Variants in ZBTB1 observed in about 807,000 individuals in gnomAD.
The protein encoded by ZBTB1 is zinc finger and BTB domain containing 1, also known as zinc finger and BTB domain-containing protein 1.
A neutral mutation model predicts 51.6 loss-of-function variants in ZBTB1; 13 were observed. The ratio of observed to expected loss-of-function variants is 0.25; its 90% CI spans 0.16 to 0.40. The LOEUF (loss-of-function observed/expected upper bound fraction) is 0.40. ZBTB1 is among the 10% of genes least tolerant of loss of function. The pLI is 1.00. For synonymous variants in ZBTB1, 240 were observed against 282.2 expected (o/e 0.85, Z 1.50); for missense variants, 567 against 856.5 (o/e 0.66, Z 4.22).
intron 1 of ZBTB1, among the ~76,000 whole-genome samples, chr14:64,508,776 A>G (rs1596685450): frequency 6.6e-6 from 1 of 152,344 alleles, no homozygotes; most frequent in East Asian, 1.9e-4. Context: ...AAAAGTTGCC[A>G]TGATTGAAAT....
intron 1 of ZBTB1, among the ~76,000 whole-genome samples, chr14:64,510,373 A>G (rs937140466): frequency 1.3e-5 from 2 of 152,222 alleles, no homozygotes; most frequent in Admixed American, 1.3e-4. Context: ...TTTAACACCT[A>G]CTTTATGTAG....
In ZBTB1 at chr14:64,518,933, T is replaced by TATATAC. The variant is rs1214901523; in HGVS notation, c.-18-2551_-18-2550insTACATA. ...ATATATATATATATATATATATATA[T>TATATAC]ATAGTATGATACCATTTAGGTTAAA... On this transcript the variant is annotated intron_variant, in intron 1 of 1. Transcript: ENST00000683701. Among the ~76,000 whole-genome samples, 22 of 138,900 alleles carry TATATAC rather than the reference T, an allele frequency of 1.6e-4. 1 individual carries two copies. The East Asian group carries it at 4.6e-3, about 29-fold the overall frequency. 91.1% of individuals were successfully genotyped at this position (138,900 alleles called of 152,430 possible).
chr14:64,514,029 C>G (rs1488745068), intron 1 of ZBTB1: 1 of 152,206 alleles, frequency 6.6e-6, no homozygotes, highest in African/African-American at 2.4e-5. Context: ...ACAGTTATCT[C>G]TATTGTACAC....
At position 64,520,373 on chromosome 14, in the gene ZBTB1, G is replaced by A. The variant is rs529087277; in HGVS notation, c.-18-1114G>A. On this transcript the variant is annotated intron_variant, in intron 1 of 1. Transcript: ENST00000683701. The stretch of plus-strand genomic sequence containing the variant: ...TCTGTCACACAAGCTAGAGTACAGT[G>A]GCGTGATCATGGCTCACCACAACCT... Among the ~76,000 whole-genome samples the A allele has an allele frequency of 2.0e-5, 3 of 152,176 alleles. No individual in the cohort carries two copies. The East Asian group carries it at 5.8e-4, about 29-fold the overall frequency.
At chr14:64,516,474 C>G (rs1268908774) in intron 1 of ZBTB1, 1 of 152,182 alleles carries the variant, frequency 6.6e-6, no homozygotes, top group Non-Finnish European at 1.5e-5. Flanking sequence ...TTAGACACAG[C>G]ATTTGTTCAG....
Position 64,522,814 on chromosome 14 carries a change from C to G in ZBTB1, c.1310C>G (p.Ser437Cys). Residue 437 changes from serine (S) to cysteine (C), a missense_variant, in exon 2 of 2, where the codon TCT becomes TGT. Physicochemically the swap from Ser to Cys is moderately radical, Grantham distance 112. Coordinates refer to ENST00000683701, the MANE Select transcript of ZBTB1 (RefSeq NM_001123329.2). ...ACAATAACCGAGGAGGACCTGTCAT[C>G]TCATTACTTAGCCAAACACATTGAA... ...GLTITEEDLS[S>C]HYLAKHIENI... The G allele has an allele frequency of 6.2e-7, 1 of 1,614,178 alleles. No individual in the cohort carries two copies. Among genetic ancestry groups the G allele is most frequent in the Non-Finnish European group, 8.5e-7 (1 of 1,180,020 alleles).
At position 64,510,165 on chromosome 14, in the gene ZBTB1, C is replaced by CACATAATT. The variant is rs556265677; in HGVS notation, c.-19+5221_-19+5228dup. ...CTCACAATCTCATGGGGGAGACCAA[C>CACATAATT]ACATAATTATAACCAATTCTTATTT... On this transcript the variant is annotated intron_variant, in intron 1 of 1. Transcript: ENST00000683701. Among the ~76,000 whole-genome samples the CACATAATT allele has an allele frequency of 3.1e-4, 47 of 152,274 alleles. No homozygotes were observed. In the East Asian group the frequency reaches 7.7e-3, roughly 25 times the overall value.
chr14:64,504,158 GC>G (rs1343489316), upstream of ZBTB1: 1 of 152,452 alleles, frequency 6.6e-6, no homozygotes, highest in Non-Finnish European at 1.5e-5. Context: ...GGCCAGGGAG[GC>G]CGAGCCGCGG....
Position 64,531,177 on chromosome 14 carries a change from T to C in ZBTB1, c.1899-684T>C, listed in dbSNP as rs929448659. 3.3e-5 allele frequency among the ~76,000 whole-genome samples: 5 copies of C among 152,204 alleles called. No homozygotes were observed. In the East Asian group the frequency reaches 5.8e-4, roughly 18 times the overall value. On this transcript the variant is annotated intron_variant, in intron 2 of 2. Coordinates refer to the ZBTB1 transcript ENST00000358738. ...ATCAGGAGAGCTCATTTTTAGATGA[T>C]AGAAACATTAATTCTAAGCATCCAG... is the stretch of plus-strand genomic sequence containing the variant.
exon 3 of ZBTB1, chr14:64,532,966 T>C (rs960180072): frequency 6.6e-6 from 1 of 152,126 alleles, no homozygotes; most frequent in Admixed American, 6.5e-5. Flanking sequence ...TCCTTATGAT[T>C]ATTTTGTTTC....
In ZBTB1 at chr14:64,522,489, A is replaced by G. The variant is rs2079870037; in HGVS notation, c.985A>G (p.Met329Val). The G allele has an allele frequency of 6.2e-7, 1 of 1,614,058 alleles. No individual in the cohort carries two copies. The highest frequency in any genetic ancestry group is 8.5e-7 in the Non-Finnish European group (1 of 1,180,038). Residue 329 changes from methionine (M) to valine (V), a missense_variant, in exon 2 of 2, where the codon ATG (methionine) becomes GTG (valine). Physicochemically the swap from Met to Val is conservative, Grantham distance 21 (BLOSUM62 1). Around this residue, in one of 5 missense-constraint regions of ZBTB1, gnomAD observed 329 missense variants for 406.3 expected, o/e 0.81. Transcript: ENST00000683701. ...TGAGAGGAAAAGGATTATTATTAAG[A>G]TGGAGCCAGAAGATATTCCTACAGA... ...AAERKRIIIK[M>V]EPEDIPTDEL...
In ZBTB1 at chr14:64,522,967, T is replaced by C. The variant is rs1156656104; in HGVS notation, c.1463T>C (p.Met488Thr). The change falls in exon 2 of 2, where the codon ATG becomes ACG. Residue 488 changes from methionine (M) to threonine (T), a missense_variant. Transcript: ENST00000683701. ...GGGTTAGGAAATACTGAGGAGAAAA[T>C]GGACTTGGAAGAGAATCCTGATGAG... ...MNGLGNTEEK[M>T]DLEENPDEQS... 1 of 1,614,030 alleles carries C rather than the reference T, an allele frequency of 6.2e-7. No individual in the cohort carries two copies. The highest frequency in any genetic ancestry group is 8.5e-7 in the Non-Finnish European group (1 of 1,179,960).
In ZBTB1 at chr14:64,522,095, C is replaced by T. The variant is rs376564161; in HGVS notation, c.591C>T (p.Ser197=). ...TATTTGATGTATGTAAAAAAAGTTCCGTGTCCAAATTATCTACTCCAAAAG... is the reference window on the plus strand; with the variant it reads ...TATTTGATGTATGTAAAAAAAGTTCTGTGTCCAAATTATCTACTCCAAAAG... ...EPLFDVCKKS[S]VSKLSTPKER... is the part of the protein sequence containing the mutation. The change falls in exon 2 of 2, where the codon TCC becomes TCT. Residue 197 remains serine (S), a synonymous_variant. Coordinates refer to ENST00000683701, the MANE Select transcript of ZBTB1 (RefSeq NM_001123329.2). 9 of 1,614,030 alleles carry T rather than the reference C, an allele frequency of 5.6e-6. No individual in the cohort carries two copies. The highest frequency in any genetic ancestry group is 5.5e-5 in the South Asian group (5 of 91,090).
rs757325451 is a variant in ZBTB1, at chr14:64,522,777, C to T, written c.1273C>T (p.Leu425=). Residue 425 remains leucine (L), a synonymous_variant, in exon 2 of 2, where the codon CTG becomes TTG. Transcript: ENST00000683701. ...QEDAENASCE[L]CGLTITEEDL... is the part of the protein sequence containing the mutation. ...GGATGCTGAAAATGCATCTTGTGAGCTGTGTGGACTTACAATAACCGAGGA... is the reference window on the plus strand; with the variant it reads ...GGATGCTGAAAATGCATCTTGTGAGTTGTGTGGACTTACAATAACCGAGGA... 5.6e-6 allele frequency: 9 copies of T among 1,614,062 alleles called. No individual in the cohort carries two copies. The highest frequency in any genetic ancestry group is 6.8e-6 in the Non-Finnish European group (8 of 1,180,028).
chr14:64,514,731 A>T (rs1210751864), intron 1 of ZBTB1, among the ~76,000 whole-genome samples: 1 of 152,230 alleles, frequency 6.6e-6, no homozygotes, highest in Admixed American at 6.5e-5. Flanking sequence ...GCTCAATAGC[A>T]TCCAACCAAC....
chr14:64,532,116 C>A, exon 3 of ZBTB1: 1 of 474,094 alleles, frequency 2.1e-6, no homozygotes, highest in Non-Finnish European at 3.7e-6. Flanking sequence ...CATGGTGACT[C>A]TAATATTTGT....
intron 1 of ZBTB1, among the ~76,000 whole-genome samples, chr14:64,506,560 A>C (rs866974245): frequency 6.6e-6 from 1 of 152,126 alleles, no homozygotes; most frequent in African/African-American, 2.4e-5. Context: ...ACAACAACAA[A>C]AACAGGAAAC....
chr14:64,506,652 A>G (rs1022995384), intron 1 of ZBTB1, among the ~76,000 whole-genome samples: 1 of 152,222 alleles, frequency 6.6e-6, no homozygotes, highest in Non-Finnish European at 1.5e-5. Flanking sequence ...AACCTCTTAC[A>G]TTCGTTTTAT....
At chr14:64,532,897 T>C (rs1006196775) in exon 3 of ZBTB1, 1 of 152,092 alleles carries the variant, frequency 6.6e-6, no homozygotes, top group Non-Finnish European at 1.5e-5. Context: ...CCATATGAAT[T>C]TTATTTCCTT....
Sources: allele counts gnomAD v4.1 joint callset (sites outside exome capture counted in the v4.1 genomes callset), GRCh38; gene constraint gnomAD v4.1.1; regional missense constraint gnomAD v4.1.1; transcripts MANE v1.5; gene names NCBI Gene and HGNC (gene_info 2026-07-23, HGNC 2026-07-21).